The following ATP6V0A4 variants were observed in gnomAD, a reference collection of about 807,000 sequenced individuals.
ATP6V0A4 encodes the protein V-type proton ATPase 116 kDa subunit a 4.
A neutral mutation model predicts 107.3 loss-of-function variants in ATP6V0A4; 86 were observed. The ratio of observed to expected loss-of-function variants is 0.80; its 90% CI spans 0.67 to 0.96. The LOEUF (loss-of-function observed/expected upper bound fraction) is 0.96. ATP6V0A4 is among the 40% of genes least tolerant of loss of function. The pLI is 0.00. For synonymous variants in ATP6V0A4, 353 were observed against 381.4 expected, an observed-to-expected ratio of 0.93 and a Z score of 0.87; for missense variants, 908 against 1,045.6, an observed-to-expected ratio of 0.87 and a Z score of 1.81.
rs55813379 is a variant in ATP6V0A4, at chr7:138,717,909, G to GAAAA, written c.2140-2032_2140-2029dup. On this transcript the variant is annotated intron_variant, in intron 19 of 21. Transcript: ENST00000310018. Reference sequence around the variant, plus strand: ...GGCGACACAGTGAGACTCTGTCTCGGAAAAAAAAAAAAAAAAAAAAAGAGT... The same window carrying GAAAA: ...GGCGACACAGTGAGACTCTGTCTCGGAAAAAAAAAAAAAAAAAAAAAAAAAGAGT... Among the ~76,000 whole-genome samples the GAAAA allele has an allele frequency of 5.6e-3, 395 of 70,524 alleles. 5 individuals are homozygous for GAAAA. The highest frequency in any genetic ancestry group is 7.0e-3 in the Non-Finnish European group (273 of 38,754). The allele number at this position is 70,524 out of a possible 152,430, so 46.3% of individuals were successfully genotyped here.
intron 2 of ATP6V0A4, among the ~76,000 whole-genome samples, chr7:138,772,536 G>A (rs902956579): frequency 2.6e-5 from 4 of 152,170 alleles, no homozygotes; most frequent in African/African-American, 9.7e-5. Flanking sequence ...TCATAAGTGT[G>A]TATTGACACT....
At chr7:138,767,715 TG>T (rs1485343727) in intron 5 of ATP6V0A4, among the ~76,000 whole-genome samples, 1 of 151,064 alleles carries the variant, frequency 6.6e-6, no homozygotes, top group Non-Finnish European at 1.5e-5. Flanking sequence ...GCCCACGCCC[TG>T]AATGAGCTGT....
intron 1 of ATP6V0A4, among the ~76,000 whole-genome samples, chr7:138,797,404 G>A (rs905976341): frequency 6.6e-5 from 10 of 151,748 alleles, no homozygotes; most frequent in Admixed American, 6.6e-4. Context: ...TTTTATTAGA[G>A]ATGGGGTTTC....
chr7:138,735,167 G>T (rs1363304773), intron 15 of ATP6V0A4, among the ~76,000 whole-genome samples: 1 of 152,056 alleles, frequency 6.6e-6, no homozygotes, highest in Non-Finnish European at 1.5e-5. Flanking sequence ...GGGTGGAGGG[G>T]TTAGTTAGGG....
intron 2 of ATP6V0A4, among the ~76,000 whole-genome samples, chr7:138,777,294 G>A (rs558999003): frequency 6.6e-6 from 1 of 151,990 alleles, no homozygotes; most frequent in Admixed American, 6.6e-5. Flanking sequence ...TTTAAGCAGG[G>A]AAATGGCATG....
In ATP6V0A4 at chr7:138,754,448, CAA is replaced by C. The variant is rs978640948; in HGVS notation, c.816+1239_816+1240del. ...GGGCAACAAGAGCAAAACTCCATCTCAAAAAAAAAAAAAAAAAAATTAAACAC... is the reference window on the plus strand; with the variant it reads ...GGGCAACAAGAGCAAAACTCCATCTCAAAAAAAAAAAAAAAAATTAAACAC... On this transcript the variant is annotated intron_variant, in intron 10 of 21. Transcript: ENST00000310018. 2.9e-3 allele frequency among the ~76,000 whole-genome samples: 211 copies of C among 73,466 alleles called. 1 individual carries two copies. The highest frequency in any genetic ancestry group is 0.01 in the Middle Eastern group (1 of 100). The allele number at this position is 73,466 out of a possible 152,430, so 48.2% of individuals were successfully genotyped here. A position where few individuals can be genotyped will look rare whatever the true frequency, so the allele number is the denominator to read the frequency against.
At chr7:138,772,258 G>A (rs1378765432) in intron 2 of ATP6V0A4, among the ~76,000 whole-genome samples, 1 of 152,086 alleles carries the variant, frequency 6.6e-6, no homozygotes, top group Non-Finnish European at 1.5e-5. Context: ...AGATAGACCT[G>A]GATATGTATG....
intron 20 of ATP6V0A4, among the ~76,000 whole-genome samples, chr7:138,710,442 G>T (rs1056383968): frequency 1.3e-5 from 2 of 151,974 alleles, no homozygotes; most frequent in Non-Finnish European, 2.9e-5. Context: ...CACCCGCCTC[G>T]GCCTCCAAAG....
chr7:138,798,128 C>G lies in ATP6V0A4; in HGVS notation c.-215G>C, dbSNP rs1156297037. ...GCATGCAGCGCCTCCCCGCTGCCAC[C>G]CGGGCCACCCTGATCCTCAGCCTGG... On this transcript the variant is annotated 5_prime_UTR_variant, in exon 1 of 22. Transcript: ENST00000310018. 1.9e-6 allele frequency: 3 copies of G among 1,601,264 alleles called. No individual in the cohort carries two copies. The highest frequency in any genetic ancestry group is 1.7e-6 in the Non-Finnish European group (2 of 1,174,690).
Position 138,745,751 on chromosome 7 carries a change from C to T in ATP6V0A4, c.1321-471G>A, listed in dbSNP as rs191615493. Among the ~76,000 whole-genome samples, 238 of 144,832 alleles carry T rather than the reference C, an allele frequency of 1.6e-3. 1 individual carries two copies. The highest frequency in any genetic ancestry group is 5.7e-3 in the African/African-American group (224 of 39,264). On this transcript the variant is annotated intron_variant, in intron 13 of 21. Coordinates refer to ENST00000310018, the MANE Select transcript of ATP6V0A4 (RefSeq NM_020632.3). ...GGCAGATCACCTGGGGTCAGGAGTTCGAGACCAGCCTGACCAACATGGTGA... is the reference window on the plus strand; with the variant it reads ...GGCAGATCACCTGGGGTCAGGAGTTTGAGACCAGCCTGACCAACATGGTGA...
chr7:138,758,135 G>A (rs1479027797), intron 8 of ATP6V0A4, among the ~76,000 whole-genome samples: 2 of 147,606 alleles, frequency 1.4e-5, no homozygotes, highest in East Asian at 3.9e-4. Flanking sequence ...CACTATGACT[G>A]TCATATGTCA....
rs577247233 is a variant in ATP6V0A4, at chr7:138,796,517, G to A, written c.-121+1517C>T. Among the ~76,000 whole-genome samples the A allele has an allele frequency of 1.4e-3, 219 of 152,154 alleles. 7 individuals are homozygous for A. The South Asian group carries it at 0.045, about 31-fold the overall frequency. ...CCTTACCAGGCCCATTCATGCGCAG[G>A]AACACTTCCACACATGGCAGGCTGT... On this transcript the variant is annotated intron_variant, in intron 1 of 21. Transcript: ENST00000310018.
At chr7:138,730,935 T>TCTTCTTCTTC (rs1562988453) in intron 17 of ATP6V0A4, among the ~76,000 whole-genome samples, 66 of 138,584 alleles carry the variant, frequency 4.8e-4, no homozygotes, top group African/African-American at 1.9e-3. Flanking sequence ...CTTCTTCTTT[T>TCTTCTTCTTC]TTTATTTTTT....
At position 138,762,357 on chromosome 7, in the gene ATP6V0A4, A is replaced by G. The variant is rs2117315389; in HGVS notation, c.495T>C (p.Tyr165=). Residue 165 remains tyrosine, a synonymous_variant, in exon 7 of 22, where the codon TAT becomes TAC. Coordinates refer to ENST00000310018, the MANE Select transcript of ATP6V0A4 (RefSeq NM_020632.3). ...GLLELKAVPA[Y]MTGKLGFIAG... ...ACACTAACCCCAACTTTCCGGTCAT[A>G]TATGCAGGCACTGCTTTCAACTCCA... is the stretch of plus-strand genomic sequence containing the variant. 2 of 1,614,178 alleles carry G rather than the reference A, an allele frequency of 1.2e-6. No homozygotes were observed. Among genetic ancestry groups the G allele is most frequent in the Non-Finnish European group, 1.7e-6 (2 of 1,180,034 alleles).
chr7:138,738,260 C>G (rs1269271480), intron 15 of ATP6V0A4, among the ~76,000 whole-genome samples: 1 of 152,092 alleles, frequency 6.6e-6, no homozygotes, highest in Non-Finnish European at 1.5e-5. Flanking sequence ...GGGCAGATGA[C>G]AAAATTGCAT....
intron 2 of ATP6V0A4, among the ~76,000 whole-genome samples, chr7:138,781,831 GTCTC>G (rs372041818): frequency 1.0e-5 from 1 of 98,136 alleles, no homozygotes; most frequent in Non-Finnish European, 2.2e-5. Flanking sequence ...ATTTTTCTCT[GTCTC>G]TCTCTCTCTT....
At position 138,733,048 on chromosome 7, in the gene ATP6V0A4, C is replaced by T. The variant is rs771043169; in HGVS notation, c.1737G>A (p.Glu579=). The part of the protein sequence containing the change: ...TLNIILQFIP[E]MIFILCLFGY... Reference sequence around the variant, plus strand: ...CAAACAGACACAGGATAAAAATCATCTCAGGGATAAATTGCAGAATGATGT... The same window carrying T: ...CAAACAGACACAGGATAAAAATCATTTCAGGGATAAATTGCAGAATGATGT... The change falls in exon 17 of 22, where the codon GAG becomes GAA. Residue 579 remains glutamate, a synonymous_variant. Transcript: ENST00000310018. 2 of 1,614,048 alleles carry T rather than the reference C, an allele frequency of 1.2e-6. No homozygotes were observed. Among genetic ancestry groups the T allele is most frequent in the Admixed American group, 3.3e-5 (2 of 59,998 alleles).
intron 18 of ATP6V0A4, among the ~76,000 whole-genome samples, chr7:138,726,967 T>C (rs6973199): frequency 0.14 from 21,209 of 151,984 alleles, 1,595 homozygotes; most frequent in African/African-American, 0.21. Context: ...GACAAGCTAT[T>C]ATTTTACAGT....
At chr7:138,719,323 C>T (rs1804311040) in intron 19 of ATP6V0A4, among the ~76,000 whole-genome samples, 1 of 152,146 alleles carries the variant, frequency 6.6e-6, no homozygotes, top group South Asian at 2.1e-4. Flanking sequence ...CCCCTGGGAC[C>T]ACACCTGATC....
Sources: gnomAD v4.1 joint callset for allele counts (sites outside exome capture counted in the v4.1 genomes callset) on GRCh38, gnomAD v4.1.1 for gene constraint, MANE v1.5 for transcripts, NCBI Gene and HGNC (gene_info 2026-07-23, HGNC 2026-07-21) for gene names.